The following UTP20 variants were observed in gnomAD, a reference collection of about 807,000 sequenced individuals.
The protein encoded by UTP20 is small subunit processome component 20 homolog.
In UTP20, 164 loss-of-function variants were observed where a neutral mutation model predicts 329.5. The observed-to-expected ratio is 0.50, with a 90% CI of 0.44 to 0.57. UTP20 has a LOEUF of 0.57. UTP20 is among the 20% of genes least tolerant of loss of function. The pLI, the probability that UTP20 is intolerant of heterozygous loss-of-function variation, is 0.00. For synonymous variants in UTP20, 1,151 were observed against 1,159.3 expected (o/e 0.99, Z 0.14); for missense variants, 3,055 against 3,284.2 (o/e 0.93, Z 1.71).
At chr12:101,343,749 C>A (rs900941219) in intron 35 of UTP20, among the ~76,000 whole-genome samples, 1 of 152,070 alleles carries the variant, frequency 6.6e-6, no homozygotes, top group Non-Finnish European at 1.5e-5. Context: ...TGACCTCAGG[C>A]GATCCGCCCA....
intron 39 of UTP20, 109 bp from the exon 40 acceptor site, chr12:101,352,938 C>G (rs1350508719): frequency 2.0e-6 from 1 of 512,344 alleles, no homozygotes. Flanking sequence ...ATTAAAAATA[C>G]TAATAAAAAT....
chr12:101,333,342 T>C lies in UTP20; in HGVS notation c.3459T>C (p.Arg1153=). Residue 1153 remains arginine, a synonymous_variant, in exon 28 of 62, where the codon CGT becomes CGC. Coordinates refer to ENST00000261637, the MANE Select transcript of UTP20 (RefSeq NM_014503.3). ...RFINPLKNLR[R]LGIKMVTDIF... is the part of the protein sequence containing the mutation. ...TTAATCCATTGAAAAATTTAAGACGTCTTGGAATCAAAATGGTAACTGATA... is the reference window on the plus strand; with the variant it reads ...TTAATCCATTGAAAAATTTAAGACGCCTTGGAATCAAAATGGTAACTGATA... 1 of 1,614,040 alleles carries C rather than the reference T, an allele frequency of 6.2e-7. No individual in the cohort carries two copies. Among genetic ancestry groups the C allele is most frequent in the Non-Finnish European group, 8.5e-7 (1 of 1,179,964 alleles).
chr12:101,350,826 T>C (rs2120963355), intron 38 of UTP20, among the ~76,000 whole-genome samples: 1 of 152,280 alleles, frequency 6.6e-6, no homozygotes, highest in Middle Eastern at 3.4e-3. Context: ...TACTCACGCT[T>C]ACTGCTCAGT....
In UTP20 at chr12:101,357,094, C is replaced by G. The variant is rs748245585; in HGVS notation, c.5691+12C>G. ...TCCGTGGATACCAGGTAAATTGCAT[C>G]TTGTGCTTTATATTCAAGTTGTATT... is the stretch of plus-strand genomic sequence containing the variant. On this transcript the variant is annotated intron_variant, in intron 43 of 61. Transcript: ENST00000261637. 6.3e-7 allele frequency: 1 copy of G among 1,598,846 alleles called. No individual in the cohort carries two copies. Among genetic ancestry groups the G allele is most frequent in the Non-Finnish European group, 8.5e-7 (1 of 1,172,356 alleles).
chr12:101,377,804 T>G (rs999471514), intron 56 of UTP20, among the ~76,000 whole-genome samples: 2 of 152,196 alleles, frequency 1.3e-5, no homozygotes, highest in African/African-American at 4.8e-5. Context: ...ATTTGCGTAT[T>G]TAGCATGCCC....
chr12:101,333,329 A>G lies in UTP20; in HGVS notation c.3446A>G (p.Lys1149Arg). 6.2e-7 allele frequency: 1 copy of G among 1,613,958 alleles called. No individual in the cohort carries two copies. Among genetic ancestry groups the G allele is most frequent in the Non-Finnish European group, 8.5e-7 (1 of 1,179,894 alleles). The change falls in exon 28 of 62, where the codon AAA becomes AGA. Residue 1149 changes from lysine to arginine, a missense_variant. Transcript: ENST00000261637. ...CAGCTGAGATTTATTAATCCATTGA[A>G]AAATTTAAGACGTCTTGGAATCAAA... ...KIQLRFINPL[K>R]NLRRLGIKMV... is the part of the protein sequence containing the mutation.
chr12:101,310,195 T>TTTA (rs1310368646), intron 19 of UTP20, among the ~76,000 whole-genome samples: 1 of 152,206 alleles, frequency 6.6e-6, no homozygotes, highest in Non-Finnish European at 1.5e-5. Flanking sequence ...TGAGCCATAC[T>TTTA]TTAAAAATAA....
intron 60 of UTP20, among the ~76,000 whole-genome samples, chr12:101,384,446 T>TG (rs1295066714): frequency 6.6e-6 from 1 of 151,948 alleles, no homozygotes; most frequent in Non-Finnish European, 1.5e-5. Context: ...GAGGCTGAGG[T>TG]GGGGGGATCT....
At chr12:101,326,482 G>T (rs573340582) in intron 25 of UTP20, among the ~76,000 whole-genome samples, 1 of 150,586 alleles carries the variant, frequency 6.6e-6, no homozygotes, top group Non-Finnish European at 1.5e-5. Context: ...AATAAGTATC[G>T]GTCTCTGTGG....
chr12:101,289,336 C>G (rs1023946880), intron 6 of UTP20, among the ~76,000 whole-genome samples: 2 of 151,840 alleles, frequency 1.3e-5, no homozygotes, highest in African/African-American at 4.8e-5. Context: ...GAGATCACAC[C>G]ACTGCACTCC....
Position 101,285,762 on chromosome 12 carries a change from A to C in UTP20, c.207A>C (p.Lys69Asn). 6.2e-7 allele frequency: 1 copy of C among 1,613,632 alleles called. No homozygotes were observed. Among genetic ancestry groups the C allele is most frequent in the South Asian group, 1.1e-5 (1 of 91,038 alleles). Residue 69 changes from lysine to asparagine, a missense_variant, in exon 4 of 62, where the codon AAA becomes AAC. Lys to Asn is a moderately conservative substitution (Grantham distance 94). Around this residue, in one of 3 missense-constraint regions of UTP20, gnomAD observed 2,445 missense variants for 2,575.5 expected, o/e 0.95. Transcript: ENST00000261637. ...TCCCCCACTCAGGAAAATTTTACAAAGAAGTTATTGACAAATGCCAATCAT... is the reference window on the plus strand; with the variant it reads ...TCCCCCACTCAGGAAAATTTTACAACGAAGTTATTGACAAATGCCAATCAT... Reference protein sequence around the residue: ...NLTEHFGKFYKEVIDKCQSFN... With the variant: ...NLTEHFGKFYNEVIDKCQSFN...
rs202068580 is a variant in UTP20, at chr12:101,368,895, T to TTGG, written c.6385-826_6385-825insTGG. On this transcript the variant is annotated intron_variant, in intron 48 of 61. Transcript: ENST00000261637. The stretch of plus-strand genomic sequence containing the variant: ...TTTCCGACTCCCAAGCTCGCTCTTC[T>TTGG]GTGTCTTAATCCAGCCCACTGAAGA... Among the ~76,000 whole-genome samples the TTGG allele has an allele frequency of 6.2e-3, 945 of 152,284 alleles. 5 individuals are homozygous for TTGG. Among genetic ancestry groups the TTGG allele is most frequent in the African/African-American group, 0.022 (897 of 41,554 alleles).
intron 48 of UTP20, among the ~76,000 whole-genome samples, chr12:101,368,882 A>G (rs996668925): frequency 4.0e-5 from 6 of 150,990 alleles, no homozygotes; most frequent in Non-Finnish European, 8.8e-5. Context: ...TCCGACTCCC[A>G]AGCTCGCTCT....
At chr12:101,314,079 G>C (rs1872883392) in intron 21 of UTP20, among the ~76,000 whole-genome samples, 1 of 152,160 alleles carries the variant, frequency 6.6e-6, no homozygotes, top group Non-Finnish European at 1.5e-5. Flanking sequence ...ACTGTAGAGA[G>C]AAAAGACTTT....
intron 21 of UTP20, among the ~76,000 whole-genome samples, chr12:101,316,878 T>G (rs1872988115): frequency 6.6e-6 from 1 of 152,236 alleles, no homozygotes; most frequent in Non-Finnish European, 1.5e-5. Context: ...GAATACTGTA[T>G]TAAGCTTAGC....
At chr12:101,348,626 TTTC>T (rs1869409945) in intron 38 of UTP20, among the ~76,000 whole-genome samples, 2 of 151,698 alleles carry the variant, frequency 1.3e-5, no homozygotes, top group South Asian at 4.1e-4. Context: ...TGGTATCATT[TTTC>T]TTCTTTAAAT....
At chr12:101,355,701 A>G (rs767925019) in intron 41 of UTP20, among the ~76,000 whole-genome samples, 1 of 152,236 alleles carries the variant, frequency 6.6e-6, no homozygotes, top group Non-Finnish European at 1.5e-5. Context: ...CCATAAAGCC[A>G]AAAATACTAT....
In UTP20 at chr12:101,347,475, AT is replaced by A. The variant is rs1869364613; in HGVS notation, c.4884+889del. Among the ~76,000 whole-genome samples the A allele has an allele frequency of 2.6e-5, 4 of 152,248 alleles. 1 individual carries two copies. Among genetic ancestry groups the A allele is most frequent in the African/African-American group, 9.6e-5 (4 of 41,552 alleles). On this transcript the variant is annotated intron_variant, in intron 38 of 61. Transcript: ENST00000261637. The stretch of plus-strand genomic sequence containing the variant: ...GAGGCAGAGGCTGCAGTGAGCCGAG[AT>A]TACGCTACTGCACTCCAGCCTGGGC...
chr12:101,280,185 C>A lies in UTP20; in HGVS notation c.-98C>A. The stretch of plus-strand genomic sequence containing the variant: ...TGAGAAAGTCTGGGCATCTGGGAAT[C>A]GGAGAGTATAGCCTGTGAGCCGCTT... On this transcript the variant is annotated 5_prime_UTR_variant, in exon 1 of 62. Transcript: ENST00000261637. 7.0e-7 allele frequency: 1 copy of A among 1,437,654 alleles called. No individual in the cohort carries two copies. Among genetic ancestry groups the A allele is most frequent in the Non-Finnish European group, 9.5e-7 (1 of 1,058,174 alleles). The allele number at this position is 1,437,654 out of a possible 1,614,324, so 89.1% of individuals were successfully genotyped here. A position where few individuals can be genotyped will look rare whatever the true frequency, so the allele number is the denominator to read the frequency against.
Sources: gnomAD v4.1 joint callset for allele counts (sites outside exome capture counted in the v4.1 genomes callset) on GRCh38, gnomAD v4.1.1 for gene constraint, gnomAD v4.1.1 regional missense constraint, MANE v1.5 for transcripts, NCBI Gene and HGNC (gene_info 2026-07-23, HGNC 2026-07-21) for gene names.